SDK1: variants seen among roughly 807,000 people sequenced by gnomAD.
The protein encoded by SDK1 is protein sidekick-1.
SDK1 carries 157 observed loss-of-function variants against 245.5 expected under a neutral mutation model. That is an observed-to-expected ratio of 0.64 (90% CI 0.56 to 0.73). SDK1 has a LOEUF of 0.73. SDK1 is among the 30% of genes least tolerant of loss of function. SDK1 has a pLI of 0.00. For synonymous variants in SDK1, 1,647 were observed against 1,278.5 expected (o/e 1.29, Z -6.15); for missense variants, 3,583 against 3,002.3 (o/e 1.19, Z -4.52).
chr7:4,216,545 G>T (rs944696074), intron 38 of SDK1, among the ~76,000 whole-genome samples: 2 of 152,228 alleles, frequency 1.3e-5, no homozygotes, highest in Admixed American at 1.3e-4. Context: ...TCAATATTTT[G>T]CTCATGGAGT....
intron 5 of SDK1, among the ~76,000 whole-genome samples, chr7:3,876,644 C>T (rs907665224): frequency 6.6e-6 from 1 of 152,054 alleles, no homozygotes; most frequent in Non-Finnish European, 1.5e-5. Flanking sequence ...ATTTCAAAAC[C>T]TAAAATACAA....
intron 4 of SDK1, among the ~76,000 whole-genome samples, chr7:3,742,137 C>CT (rs796198123): frequency 9.2e-4 from 133 of 143,786 alleles, no homozygotes; most frequent in Middle Eastern, 3.6e-3. Context: ...CTCTGTTCCT[C>CT]TTTTTTTTTT....
intron 5 of SDK1, among the ~76,000 whole-genome samples, chr7:3,858,552 T>G (rs971007869): frequency 9.9e-5 from 15 of 152,096 alleles, no homozygotes; most frequent in African/African-American, 2.7e-4. Context: ...AAAAGGGTAT[T>G]TGACCCACCT....
At chr7:3,445,932 T>A (rs1780329109) in intron 1 of SDK1, among the ~76,000 whole-genome samples, 1 of 152,052 alleles carries the variant, frequency 6.6e-6, no homozygotes, top group Admixed American at 6.6e-5. Context: ...TTCTTGAGGG[T>A]CGGTCTACTG....
intron 1 of SDK1, among the ~76,000 whole-genome samples, chr7:3,567,852 C>G (rs544999780): frequency 1.3e-5 from 2 of 152,310 alleles, no homozygotes; most frequent in African/African-American, 2.4e-5. Context: ...TGCCCTGTTG[C>G]ATAGGCTGCA....
intron 32 of SDK1, among the ~76,000 whole-genome samples, chr7:4,169,986 C>G (rs959358825): frequency 6.6e-6 from 1 of 152,232 alleles, no homozygotes; most frequent in African/African-American, 2.4e-5. Context: ...ACTCTGTCTC[C>G]TCTTTCTGAA....
chr7:3,544,083 A>G (rs1779135578), intron 1 of SDK1, among the ~76,000 whole-genome samples: 1 of 152,172 alleles, frequency 6.6e-6, no homozygotes, highest in African/African-American at 2.4e-5. Flanking sequence ...TCCTTGACTA[A>G]AGGCCTTTCT....
At chr7:4,190,753 C>G (rs1783151101) in intron 35 of SDK1, among the ~76,000 whole-genome samples, 2 of 152,246 alleles carry the variant, frequency 1.3e-5, no homozygotes, top group African/African-American at 2.4e-5. Context: ...CTGCAGCATA[C>G]GCTATCCCGG....
chr7:3,651,393 C>T (rs1247959745), intron 4 of SDK1, among the ~76,000 whole-genome samples: 1 of 152,146 alleles, frequency 6.6e-6, no homozygotes, highest in Admixed American at 6.5e-5. Context: ...AAAAAGCAAA[C>T]TTCTTGTTGT....
chr7:3,583,368 G>A (rs1487067063), intron 1 of SDK1, among the ~76,000 whole-genome samples: 1 of 152,154 alleles, frequency 6.6e-6, no homozygotes, highest in Non-Finnish European at 1.5e-5. Context: ...TCTTAAAGGT[G>A]AGTGATTCAT....
rs1236354368 is a variant in SDK1 at position 4,114,208 on chromosome 7, C to G, written c.3757C>G (p.Gln1253Glu). ...EEWMEYELQM[Q>E]AFNAVGAGPW... ...GTGGATGGAATACGAGCTGCAGATG[C>G]AGGCCTTCAACGCCGTCGGGGCTGG... Residue 1253 changes from glutamine to glutamate, a missense_variant, in exon 25 of 45, where the codon CAG becomes GAG. Gln to Glu is a conservative substitution (Grantham distance 29). Coordinates refer to ENST00000404826, the MANE Select transcript of SDK1 (RefSeq NM_152744.4). The G allele has an allele frequency of 6.2e-7, 1 of 1,613,840 alleles. No individual in the cohort carries two copies. The highest frequency in any genetic ancestry group is 8.5e-7 in the Non-Finnish European group (1 of 1,179,978).
At chr7:3,486,932 A>G (rs1363031160) in intron 1 of SDK1, among the ~76,000 whole-genome samples, 1 of 152,178 alleles carries the variant, frequency 6.6e-6, no homozygotes, top group East Asian at 1.9e-4. Flanking sequence ...CTATTATTAC[A>G]TGTGTAAAGG....
At chr7:3,545,264 C>T (rs563483975) in intron 1 of SDK1, among the ~76,000 whole-genome samples, 1 of 152,084 alleles carries the variant, frequency 6.6e-6, no homozygotes, top group African/African-American at 2.4e-5. Context: ...AGAGAAGAGT[C>T]ATGGGATTGA....
At chr7:3,608,118 C>T (rs966709562) in intron 1 of SDK1, among the ~76,000 whole-genome samples, 4 of 152,200 alleles carry the variant, frequency 2.6e-5, no homozygotes, top group African/African-American at 7.2e-5. Flanking sequence ...GTTACTCATC[C>T]GTGCCACACA....
intron 4 of SDK1, among the ~76,000 whole-genome samples, chr7:3,714,573 A>C (rs933749953): frequency 6.6e-6 from 1 of 152,232 alleles, no homozygotes; most frequent in Non-Finnish European, 1.5e-5. Context: ...TATTAGCATT[A>C]CTACATTGTA....
intron 5 of SDK1, among the ~76,000 whole-genome samples, chr7:3,842,395 G>C (rs1780180122): frequency 6.6e-6 from 1 of 152,184 alleles, no homozygotes; most frequent in Non-Finnish European, 1.5e-5. Context: ...CACTGTGCTG[G>C]TATGGGTAGT....
At chr7:3,475,890 C>A (rs1781335036) in intron 1 of SDK1, among the ~76,000 whole-genome samples, 1 of 152,146 alleles carries the variant, frequency 6.6e-6, no homozygotes, top group South Asian at 2.1e-4. Context: ...CATGGGATTC[C>A]TGCCCAAACC....
Position 4,149,403 on chromosome 7 carries a change from G to T in SDK1, c.4565G>T (p.Gly1522Val), listed in dbSNP as rs754573378. ...FTMQVRELPR[G>V]EWQTYSSSIS... ...ATGCAGGTGCGAGAGCTGCCTCGGGGTGAGTGGCAGACCTACTCCTCGTCC... is the reference window on the plus strand; with the variant it reads ...ATGCAGGTGCGAGAGCTGCCTCGGGTTGAGTGGCAGACCTACTCCTCGTCC... The change falls in exon 30 of 45, where the codon GGT (glycine) becomes GTT (valine). Residue 1522 changes from glycine to valine, a missense_variant. Transcript: ENST00000404826. 6.3e-7 allele frequency: 1 copy of T among 1,581,172 alleles called. No homozygotes were observed. Among genetic ancestry groups the T allele is most frequent in the Non-Finnish European group, 8.6e-7 (1 of 1,164,802 alleles).
At chr7:3,551,251 A>G (rs1779400053) in intron 1 of SDK1, among the ~76,000 whole-genome samples, 1 of 152,260 alleles carries the variant, frequency 6.6e-6, no homozygotes, top group African/African-American at 2.4e-5. Context: ...GTCATATAAC[A>G]TTAATGTGTC....
Sources: allele counts gnomAD v4.1 joint callset (sites outside exome capture counted in the v4.1 genomes callset), GRCh38; gene constraint gnomAD v4.1.1; transcripts MANE v1.5; gene names NCBI Gene and HGNC (gene_info 2026-07-23, HGNC 2026-07-21).